Variants in CNOT4 observed in about 807,000 individuals in gnomAD.
The protein encoded by CNOT4 is CCR4-NOT transcription complex subunit 4.
Under a neutral mutation model 73.8 loss-of-function variants are expected in CNOT4, and 8 were observed. The observed-to-expected ratio is 0.11, with a 90% confidence interval of 0.06 to 0.20. The LOEUF (loss-of-function observed/expected upper bound fraction) is 0.20, where lower values mean the gene tolerates loss of function less well. Among genes scored for constraint, CNOT4 ranks in the 10% least tolerant of loss-of-function variants. CNOT4 has a pLI of 1.00. For missense variants in CNOT4, 564 were observed against 883.4 expected, an observed-to-expected ratio of 0.64 and a Z score of 4.58; for synonymous variants, 293 against 321.1, an observed-to-expected ratio of 0.91 and a Z score of 0.94.
chr7:135,453,809 T>G (rs1563059485), intron 1 of CNOT4, among the ~76,000 whole-genome samples: 1 of 127,498 alleles, frequency 7.8e-6, no homozygotes, highest in Non-Finnish European at 1.6e-5. Flanking sequence ...TAAATATATA[T>G]AATAAATATA....
At chr7:135,481,691 T>G (rs375812945) in intron 1 of CNOT4, among the ~76,000 whole-genome samples, 1 of 152,144 alleles carries the variant, frequency 6.6e-6, no homozygotes, top group Admixed American at 6.5e-5. Context: ...AAGAACCAAC[T>G]TAAGTGTCCA....
At position 135,391,830 on chromosome 7, in the gene CNOT4, T is replaced by C. The variant is rs1796415309; in HGVS notation, c.1627+2088A>G. On this transcript the variant is annotated intron_variant, in intron 10 of 11. Transcript: ENST00000541284. ...TATGAAATTGGAAGAAAATCAAAGA[T>C]CGTCATGTAATAAGTCAAATAAAAG... 2.6e-5 allele frequency among the ~76,000 whole-genome samples: 4 copies of C among 152,078 alleles called. No homozygotes were observed. The East Asian group carries it at 7.7e-4, about 29-fold the overall frequency.
intron 2 of CNOT4, among the ~76,000 whole-genome samples, chr7:135,427,955 G>A (rs1798598473): frequency 6.6e-6 from 1 of 152,140 alleles, no homozygotes; most frequent in Non-Finnish European, 1.5e-5. Flanking sequence ...TGGCAAGATA[G>A]GTTCCATGAT....
At chr7:135,440,219 G>GT (rs1193887933) in intron 1 of CNOT4, among the ~76,000 whole-genome samples, 8 of 104,550 alleles carry the variant, frequency 7.7e-5, no homozygotes, top group African/African-American at 1.7e-4. Context: ...ACACAGACAA[G>GT]TTAAAAAAAA....
chr7:135,422,048 T>C, intron 3 of CNOT4, 108 bp downstream of exon 3: 1 of 674,364 alleles, frequency 1.5e-6, no homozygotes. Flanking sequence ...TCCTTCAAGA[T>C]ATAATGTGTT....
intron 1 of CNOT4, among the ~76,000 whole-genome samples, chr7:135,486,365 G>A (rs1417184407): frequency 1.3e-5 from 2 of 152,174 alleles, no homozygotes; most frequent in African/African-American, 4.8e-5. Context: ...ATATCACTAC[G>A]GATCTCTTGG....
chr7:135,453,846 A>AT (rs1554438717), intron 1 of CNOT4, among the ~76,000 whole-genome samples: 5 of 123,268 alleles, frequency 4.1e-5, no homozygotes, highest in Non-Finnish European at 8.8e-5. Flanking sequence ...ATATATATAT[A>AT]TTATATATAT....
Position 135,395,701 on chromosome 7 carries a change from G to C in CNOT4, c.1062C>G (p.Phe354Leu). ...PNPIPSGLPP[F>L]PSSPQTSSDW... ...CACTGGATGTCTGTGGGGAGCTGGG[G>C]AAAGGAGGAAGCCCACTTGGGATAG... The change falls in exon 9 of 12, where the codon TTC (phenylalanine) becomes TTG (leucine). Residue 354 changes from phenylalanine to leucine, a missense_variant. By Grantham distance (22) the Phe-to-Leu change is conservative. This residue lies in a region of CNOT4 where 135 missense variants were observed against 154.0 expected (regional missense o/e 0.88). Coordinates refer to ENST00000541284, the MANE Select transcript of CNOT4 (RefSeq NM_001190850.2). 1 of 1,614,050 alleles carries C rather than the reference G, an allele frequency of 6.2e-7. No individual in the cohort carries two copies. The highest frequency in any genetic ancestry group is 8.5e-7 in the Non-Finnish European group (1 of 1,179,956).
At chr7:135,441,318 A>G (rs150889171) in intron 1 of CNOT4, among the ~76,000 whole-genome samples, 1 of 152,208 alleles carries the variant, frequency 6.6e-6, no homozygotes, top group Non-Finnish European at 1.5e-5. Context: ...AGAAAAATTA[A>G]ATTACTTCTC....
chr7:135,439,647 G>A (rs781689505), intron 1 of CNOT4, among the ~76,000 whole-genome samples: 1 of 152,056 alleles, frequency 6.6e-6, no homozygotes, highest in Admixed American at 6.6e-5. Context: ...GGGCATGGTG[G>A]CGCACACTGT....
At chr7:135,385,256 G>C (rs1230410295) in intron 10 of CNOT4, among the ~76,000 whole-genome samples, 1 of 152,152 alleles carries the variant, frequency 6.6e-6, no homozygotes, top group Admixed American at 6.5e-5. Flanking sequence ...GGTTTTCAAG[G>C]CTTTAAACAC....
At chr7:135,473,982 G>GT (rs546554271) in intron 1 of CNOT4, among the ~76,000 whole-genome samples, 16,526 of 140,270 alleles carry the variant, frequency 0.12, 1,220 homozygotes, top group Middle Eastern at 0.22. Context: ...TCTTTTTGTG[G>GT]TTTTTTTTTT....
At chr7:135,398,341 T>C (rs1312550344) in intron 7 of CNOT4, 115 bp from the exon 8 acceptor site, 5 of 644,904 alleles carry the variant, frequency 7.8e-6, no homozygotes, top group Admixed American at 3.0e-5. Flanking sequence ...CAAATGTTTA[T>C]TGAGGTACTG....
intron 2 of CNOT4, among the ~76,000 whole-genome samples, chr7:135,428,175 A>T (rs563245092): frequency 1.3e-5 from 2 of 152,320 alleles, no homozygotes; most frequent in African/African-American, 2.4e-5. Flanking sequence ...GCTTGGCTAG[A>T]CCAAAAACCT....
rs1794692977 is a variant in CNOT4, at chr7:135,362,528, G to C, written c.*357C>G. On this transcript the variant is annotated 3_prime_UTR_variant, in exon 12 of 12. Transcript: ENST00000541284. Reference sequence around the variant, plus strand: ...ATGCATTTACTTGAGCTTTCCTATAGATTAATCGTCATTTTCTGCTAAGCA... The same window carrying C: ...ATGCATTTACTTGAGCTTTCCTATACATTAATCGTCATTTTCTGCTAAGCA... The C allele has an allele frequency of 5.2e-6, 2 of 384,758 alleles. No homozygotes were observed. The highest frequency in any genetic ancestry group is 9.9e-6 in the Non-Finnish European group (2 of 202,420). 23.8% of individuals were successfully genotyped at this position (384,758 alleles called of 1,614,324 possible).
intron 1 of CNOT4, among the ~76,000 whole-genome samples, chr7:135,451,626 G>A (rs1800172484): frequency 6.6e-6 from 1 of 152,064 alleles, no homozygotes; most frequent in Admixed American, 6.6e-5. Context: ...AATCATACAT[G>A]TTCTCTACAT....
At chr7:135,418,826 T>C (rs910562363) in intron 3 of CNOT4, among the ~76,000 whole-genome samples, 4 of 152,186 alleles carry the variant, frequency 2.6e-5, no homozygotes, top group African/African-American at 9.6e-5. Context: ...GAGAAGCTTT[T>C]TGTCAATCTC....
chr7:135,435,562 C>T (rs73158939), intron 2 of CNOT4, among the ~76,000 whole-genome samples: 6,933 of 152,210 alleles, frequency 0.046, 177 homozygotes, highest in Middle Eastern at 0.085. Flanking sequence ...TTCCCTCTTT[C>T]CTTTCCGAAA....
intron 1 of CNOT4, among the ~76,000 whole-genome samples, chr7:135,470,095 T>C (rs1187497612): frequency 3.3e-5 from 5 of 151,816 alleles, no homozygotes; most frequent in Admixed American, 1.3e-4. Flanking sequence ...AGTGCTGGGA[T>C]TACAGGAGTG....
Sources: gnomAD v4.1 joint callset for allele counts (sites outside exome capture counted in the v4.1 genomes callset) on GRCh38, gnomAD v4.1.1 for gene constraint, gnomAD v4.1.1 regional missense constraint, MANE v1.5 for transcripts, NCBI Gene and HGNC (gene_info 2026-07-23, HGNC 2026-07-21) for gene names.